The following POLG2 variants were observed in gnomAD, a reference collection of about 807,000 sequenced individuals.
POLG2 encodes DNA polymerase gamma 2, accessory subunit.
A neutral mutation model predicts 56.5 loss-of-function variants in POLG2; 50 were observed. That is an observed-to-expected ratio of 0.88 (90% CI 0.71 to 1.12). The LOEUF is 1.12. Ranked by LOEUF, POLG2 falls within the 50% of genes most tolerant of loss-of-function variation. The pLI, the probability that POLG2 is intolerant of heterozygous loss-of-function variation, is 0.00. For synonymous variants in POLG2, 226 were observed against 222.6 expected (o/e 1.02, Z -0.14); for missense variants, 584 against 583.3 (o/e 1.00, Z -0.01).
chr17:64,496,611 C>T lies in POLG2; in HGVS notation c.358G>A (p.Val120Met), dbSNP rs782034872. The change falls in exon 1 of 8, where the codon GTG (valine) becomes ATG (methionine). Residue 120 changes from valine (V) to methionine (M), a missense_variant. Coordinates refer to ENST00000539111, the MANE Select transcript of POLG2 (RefSeq NM_007215.4). ...LAAEWWTSVV[V>M]FREQVFPVDA... ...ACCGGGAATACCTGCTCCCTGAACA[C>T]CACCACCGAGGTCCACCATTCTGCG... The T allele has an allele frequency of 2.5e-6, 4 of 1,614,016 alleles. No homozygotes were observed. The South Asian group carries it at 3.3e-5, about 13-fold the overall frequency.
intron 3 of POLG2, chr17:64,491,719 G>C (rs1568089426): frequency 2.2e-6 from 2 of 901,998 alleles, no homozygotes; most frequent in East Asian, 5.4e-5. Context: ...GTGCTGGCAG[G>C]GTACATGCTC....
chr17:64,485,993 T>G, intron 4 of POLG2, 125 bp from the exon 5 acceptor site: 1 of 806,704 alleles, frequency 1.2e-6, no homozygotes, highest in Non-Finnish European at 2.1e-6. Flanking sequence ...CTCAGCTCCC[T>G]GCAACCTCTG....
intron 1 of POLG2, among the ~76,000 whole-genome samples, chr17:64,494,866 G>A (rs1374625885): frequency 6.6e-6 from 1 of 152,088 alleles, no homozygotes; most frequent in East Asian, 1.9e-4. Flanking sequence ...CCCAGTACTG[G>A]TTCATCTTAG....
At chr17:64,485,585 C>A in intron 5 of POLG2, 143 bp downstream of exon 5, 1 of 713,348 alleles carries the variant, frequency 1.4e-6, no homozygotes, top group Non-Finnish European at 2.4e-6. Flanking sequence ...TGGCCAGATT[C>A]TAAAAAAACT....
At chr17:64,496,316 T>C (rs1228889335) in intron 1 of POLG2, 91 bp downstream of exon 1, 1 of 792,810 alleles carries the variant, frequency 1.3e-6, no homozygotes, top group African/African-American at 1.7e-5. Context: ...TGCATGGGAA[T>C]ACAGGGCCAG....
chr17:64,488,899 C>T (rs781927889), intron 4 of POLG2, among the ~76,000 whole-genome samples: 41 of 152,056 alleles, frequency 2.7e-4, no homozygotes, highest in Middle Eastern at 3.4e-3. Context: ...ACCTGGGAAT[C>T]GCGACACTGC....
chr17:64,482,384 C>T (rs2037876618), intron 6 of POLG2, among the ~76,000 whole-genome samples: 1 of 148,530 alleles, frequency 6.7e-6, no homozygotes, highest in Non-Finnish European at 1.5e-5. Flanking sequence ...TGCAGTGGTG[C>T]TATCTCAGCT....
intron 4 of POLG2, among the ~76,000 whole-genome samples, chr17:64,488,629 G>A (rs766649676): frequency 3.3e-5 from 5 of 152,194 alleles, no homozygotes; most frequent in African/African-American, 1.2e-4. Flanking sequence ...TGAGCTGTTC[G>A]TTAACTATGA....
intron 3 of POLG2, chr17:64,491,374 C>T (rs1412917650): frequency 1.4e-5 from 8 of 555,086 alleles, no homozygotes; most frequent in Admixed American, 3.2e-5. Context: ...GCAGGGGGAT[C>T]ACTTGAGCTT....
intron 5 of POLG2, 196 bp downstream of exon 5, chr17:64,485,532 G>A (rs2037935337): frequency 3.3e-6 from 2 of 599,746 alleles, no homozygotes; most frequent in Non-Finnish European, 2.9e-6. Flanking sequence ...TACTTATTAG[G>A]GATGCCTTGT....
chr17:64,481,270 G>A (rs782282842), intron 6 of POLG2: 16 of 984,940 alleles, frequency 1.6e-5, no homozygotes, highest in Non-Finnish European at 1.9e-5. Flanking sequence ...TGGGACATAC[G>A]CCATTATCTT....
chr17:64,479,280 T>C (rs1598117938), intron 7 of POLG2, among the ~76,000 whole-genome samples: 1 of 148,444 alleles, frequency 6.7e-6, no homozygotes, highest in Admixed American at 6.8e-5. Context: ...GCCTCCTGGG[T>C]TCAAGCAATT....
chr17:64,495,832 C>T (rs1555669401), intron 1 of POLG2, among the ~76,000 whole-genome samples: 1 of 151,932 alleles, frequency 6.6e-6, no homozygotes, highest in African/African-American at 2.4e-5. Flanking sequence ...CCTCAGCCTC[C>T]CAAGTAGCTG....
chr17:64,481,004 A>C (rs1364375043), intron 6 of POLG2, among the ~76,000 whole-genome samples: 1 of 152,248 alleles, frequency 6.6e-6, no homozygotes, highest in African/African-American at 2.4e-5. Flanking sequence ...ATAGGGAAGC[A>C]AAACAAAGCA....
At position 64,496,835 on chromosome 17, in the gene POLG2, T is replaced by C. The variant is rs782076699; in HGVS notation, c.134A>G (p.Lys45Arg). The C allele has an allele frequency of 5.0e-6, 8 of 1,613,812 alleles. No individual in the cohort carries two copies. Among genetic ancestry groups the C allele is most frequent in the South Asian group, 1.1e-5 (1 of 91,066 alleles). ...GTTCCCCTCGAGCTCCGCGTGCGACTTCACATGCCCTCCTTTGGGGCTACT... is the reference window on the plus strand; with the variant it reads ...GTTCCCCTCGAGCTCCGCGTGCGACCTCACATGCCCTCCTTTGGGGCTACT... ...ERSSPKGGHVKSHAELEGNGE... is the reference protein window; with the variant it reads ...ERSSPKGGHVRSHAELEGNGE... Residue 45 changes from lysine to arginine, a missense_variant, in exon 1 of 8, where the codon AAG becomes AGG. Transcript: ENST00000539111.
rs2038059650 is a variant in POLG2 at position 64,491,620 on chromosome 17, G to A, written c.796-651C>T. 8 of 1,523,426 alleles carry A rather than the reference G, an allele frequency of 5.3e-6. No individual in the cohort carries two copies. In the Admixed American group the frequency reaches 6.7e-5, roughly 13 times the overall value. The allele number at this position is 1,523,426 out of a possible 1,614,324, so 94.4% of individuals were successfully genotyped here. ...TTGATGTGGGACTTCAGCCCTAGTG[G>A]CCTTGATGGAGCGTTTCAAAGAGGT... On this transcript the variant is annotated intron_variant, in intron 3 of 7. Coordinates refer to ENST00000539111, the MANE Select transcript of POLG2 (RefSeq NM_007215.4).
chr17:64,490,168 C>T (rs1385121206), intron 4 of POLG2, among the ~76,000 whole-genome samples: 2 of 152,112 alleles, frequency 1.3e-5, no homozygotes, highest in Non-Finnish European at 2.9e-5. Context: ...CATGATCCTC[C>T]CACTTCGGCC....
intron 1 of POLG2, 84 bp downstream of exon 1, chr17:64,496,323 C>T (rs530174624): frequency 3.6e-6 from 3 of 831,242 alleles, no homozygotes; most frequent in East Asian, 2.4e-5. Context: ...GAATACAGGG[C>T]CAGTTGCAAT....
At position 64,492,654 on chromosome 17, in the gene POLG2, A is replaced by C. The variant is rs1420754785; in HGVS notation, c.795+13T>G. The C allele has an allele frequency of 1.4e-6, 2 of 1,478,882 alleles. No homozygotes were observed. The highest frequency in any genetic ancestry group is 1.9e-6 in the Non-Finnish European group (2 of 1,059,516). 91.6% of individuals were successfully genotyped at this position (1,478,882 alleles called of 1,614,324 possible). On this transcript the variant is annotated intron_variant, in intron 3 of 7. Transcript: ENST00000539111. ...TGTATTAACTATTAAATTAAAGGTA[A>C]TTATTGCAGTACCTTTCTCCACCAC...
Sources: allele counts gnomAD v4.1 joint callset (sites outside exome capture counted in the v4.1 genomes callset), GRCh38; gene constraint gnomAD v4.1.1; transcripts MANE v1.5; gene names NCBI Gene and HGNC (gene_info 2026-07-23, HGNC 2026-07-21).